The following RUFY1 variants were observed in gnomAD, a reference collection of about 807,000 sequenced individuals.
The protein encoded by RUFY1 is RUN and FYVE domain-containing protein 1.
RUFY1 carries 54 observed loss-of-function variants against 94.6 expected under a neutral mutation model. The observed-to-expected ratio is 0.57, with a 90% CI of 0.46 to 0.72. RUFY1 has a LOEUF of 0.72. Ranked by LOEUF, RUFY1 falls within the 30% of genes least tolerant of loss-of-function variation. RUFY1 has a pLI of 0.00. For synonymous variants in RUFY1, 396 were observed against 347.3 expected (o/e 1.14, Z -1.56); for missense variants, 883 against 883.9 (o/e 1.00, Z 0.01).
chr5:179,595,109 G>A (rs368780361), intron 12 of RUFY1, 146 bp downstream of exon 12: 52 of 604,932 alleles, frequency 8.6e-5, no homozygotes, highest in African/African-American at 3.2e-4. Flanking sequence ...TTGGGAGGCC[G>A]ACGCGGGAGG....
In RUFY1 at chr5:179,609,387, G is replaced by C; in HGVS notation, c.1995G>C (p.Arg665=). The change falls in exon 18 of 18, where the codon CGG becomes CGC. Residue 665 remains arginine, a synonymous_variant. Coordinates refer to ENST00000319449, the MANE Select transcript of RUFY1 (RefSeq NM_025158.5). ...FSISRRKHHC[R]NCGHIFCNTC... is the part of the protein sequence containing the mutation. ...TTCCCGTCCTGTAGCACCACTGCCG[G>C]AACTGTGGCCACATCTTCTGCAACA... 4 of 1,613,426 alleles carry C rather than the reference G, an allele frequency of 2.5e-6. No homozygotes were observed. The highest frequency in any genetic ancestry group is 3.4e-6 in the Non-Finnish European group (4 of 1,179,918).
Position 179,594,973 on chromosome 5 carries a change from T to C in RUFY1, c.1511+10T>C, listed in dbSNP as rs1765474052. The C allele has an allele frequency of 6.4e-7, 1 of 1,571,114 alleles. No individual in the cohort carries two copies. On this transcript the variant is annotated intron_variant, in intron 12 of 17. Transcript: ENST00000319449. Reference sequence around the variant, plus strand: ...AACAAATGGAAGAAAGGTAATCACTTCCCCCTGGCAGATATTCTCGGGAAG... The same window carrying C: ...AACAAATGGAAGAAAGGTAATCACTCCCCCCTGGCAGATATTCTCGGGAAG...
chr5:179,593,561 C>G lies in RUFY1; in HGVS notation c.1329C>G (p.His443Gln). The G allele has an allele frequency of 5.0e-6, 8 of 1,614,096 alleles. No homozygotes were observed. Among genetic ancestry groups the G allele is most frequent in the Non-Finnish European group, 5.9e-6 (7 of 1,179,958 alleles). The change falls in exon 11 of 18, where the codon CAC becomes CAG. Residue 443 changes from histidine to glutamine, a missense_variant. By Grantham distance (24) the His-to-Gln change is conservative. Transcript: ENST00000319449. The part of the protein sequence containing the change: ...IAMKLLEKDT[H>Q]EKQDTLVALR... ...TGAAGTTACTGGAAAAGGACACCCA[C>G]GAGAAGCAGGACACACTAGTTGCCC... is the stretch of plus-strand genomic sequence containing the variant.
intron 6 of RUFY1, among the ~76,000 whole-genome samples, chr5:179,579,654 C>CTTCTTTTTTTTTTTTTTTT (rs1763937588): frequency 2.6e-5 from 1 of 38,638 alleles, no homozygotes; most frequent in Non-Finnish European, 5.4e-5. Context: ...CCCTTTTCTT[C>CTTCTTTTTTTTTTTTTTTT]TTCTTTTTTT....
At chr5:179,557,488 CTTTG>C (rs1762170260) in intron 1 of RUFY1, among the ~76,000 whole-genome samples, 1 of 152,180 alleles carries the variant, frequency 6.6e-6, no homozygotes. Context: ...CACTTAGGCA[CTTTG>C]TTTAACCCAG....
rs1764159142 is a variant in RUFY1 at position 179,581,512 on chromosome 5, T to G, written c.956+500T>G. Among the ~76,000 whole-genome samples the G allele has an allele frequency of 2.0e-5, 3 of 150,444 alleles. No individual in the cohort carries two copies. The South Asian group carries it at 6.3e-4, about 32-fold the overall frequency. ...AAACACTAATCCTTGGAGGTATTTGTGGGGAATGTGGAGAGACATGTTATT... is the reference window on the plus strand; with the variant it reads ...AAACACTAATCCTTGGAGGTATTTGGGGGGAATGTGGAGAGACATGTTATT... On this transcript the variant is annotated intron_variant, in intron 7 of 17. Coordinates refer to ENST00000319449, the MANE Select transcript of RUFY1 (RefSeq NM_025158.5).
chr5:179,568,937 C>T (rs932773716), intron 4 of RUFY1: 4 of 657,560 alleles, frequency 6.1e-6, no homozygotes, highest in African/African-American at 5.9e-5. Context: ...ATCCCATTTC[C>T]TGTTTATATC....
chr5:179,582,237 T>G (rs1319865346), intron 7 of RUFY1, among the ~76,000 whole-genome samples: 1 of 152,068 alleles, frequency 6.6e-6, no homozygotes, highest in Admixed American at 6.6e-5. Context: ...TTTATTATGA[T>G]TTTTTGAGAC....
intron 7 of RUFY1, among the ~76,000 whole-genome samples, chr5:179,583,429 T>TAC (rs1290846354): frequency 6.7e-6 from 1 of 148,840 alleles, no homozygotes; most frequent in Admixed American, 6.7e-5. Flanking sequence ...TATATATATA[T>TAC]ATTTTAAGAC....
chr5:179,569,637 GCAGA>G (rs1157506263), intron 5 of RUFY1, among the ~76,000 whole-genome samples: 1 of 152,100 alleles, frequency 6.6e-6, no homozygotes, highest in East Asian at 1.9e-4. Flanking sequence ...TTGGGAACAG[GCAGA>G]CAGCTCTCCA....
In RUFY1 at chr5:179,591,759, AGT is replaced by A. The variant is rs753749975; in HGVS notation, c.1245+21_1245+22del. 2.1e-6 allele frequency: 3 copies of A among 1,415,648 alleles called. No individual in the cohort carries two copies. Among genetic ancestry groups the A allele is most frequent in the Admixed American group, 3.9e-5 (2 of 51,598 alleles). The allele number at this position is 1,415,648 out of a possible 1,614,324, so 87.7% of individuals were successfully genotyped here. On this transcript the variant is annotated intron_variant, in intron 10 of 17. Coordinates refer to ENST00000319449, the MANE Select transcript of RUFY1 (RefSeq NM_025158.5). ...TCCGGTTGGTGAGTGTGCAAGACCG[AGT>A]GTCTTTAGAAAGAGTTTCCCCGTAG... is the stretch of plus-strand genomic sequence containing the variant.
chr5:179,579,657 C>CTTTTTTTTTTTTTGTTT (rs1763947706), intron 6 of RUFY1, among the ~76,000 whole-genome samples: 1 of 50,548 alleles, frequency 2.0e-5, no homozygotes, highest in African/African-American at 6.1e-5. Context: ...TTTTCTTCTT[C>CTTTTTTTTTTTTTGTTT]TTTTTTTTTT....
chr5:179,587,998 TA>T (rs562888696), intron 8 of RUFY1, among the ~76,000 whole-genome samples: 200 of 152,134 alleles, frequency 1.3e-3, no homozygotes, highest in African/African-American at 4.6e-3. Context: ...CTGTCTCAAT[TA>T]AAAAAACAAA....
chr5:179,579,661 T>TTCTTTC lies in RUFY1; in HGVS notation c.891-1285_891-1284insCTTTCT, dbSNP rs1763952328. ...AAAATATACCCTTTTCTTCTTCTTT[T>TTCTTTC]TTTTTTTTTTTTTTTTTTGAGATGG... On this transcript the variant is annotated intron_variant, in intron 6 of 17. Transcript: ENST00000319449. Among the ~76,000 whole-genome samples the TTCTTTC allele has an allele frequency of 2.4e-5, 2 of 83,246 alleles. 1 individual carries two copies. The highest frequency in any genetic ancestry group is 1.1e-4 in the African/African-American group (2 of 18,916). The allele number at this position is 83,246 out of a possible 152,430, so 54.6% of individuals were successfully genotyped here. A position where few individuals can be genotyped will look rare whatever the true frequency, so the allele number is the denominator to read the frequency against.
chr5:179,582,628 G>T (rs944121620), intron 7 of RUFY1, among the ~76,000 whole-genome samples: 58 of 152,118 alleles, frequency 3.8e-4, no homozygotes, highest in African/African-American at 1.4e-3. Flanking sequence ...CGACGTGGGT[G>T]GATTACCTGA....
At chr5:179,583,824 AC>A (rs1764376227) in intron 7 of RUFY1, among the ~76,000 whole-genome samples, 1 of 151,248 alleles carries the variant, frequency 6.6e-6, no homozygotes, top group Admixed American at 6.6e-5. Context: ...ATCTCCGCTC[AC>A]TGCAAGCTTC....
chr5:179,607,732 A>G (rs1164102707), intron 17 of RUFY1, 73 bp downstream of exon 17: 1 of 1,329,224 alleles, frequency 7.5e-7, no homozygotes, highest in African/African-American at 1.5e-5. Flanking sequence ...CTCTGGTTCC[A>G]GAAGCCCATA....
At position 179,553,731 on chromosome 5, in the gene RUFY1, A is replaced by C. The variant is rs542897960; in HGVS notation, c.310+2852A>C. Among the ~76,000 whole-genome samples, 6 of 152,272 alleles carry C rather than the reference A, an allele frequency of 3.9e-5. No individual in the cohort carries two copies. In the South Asian group the frequency reaches 1.2e-3, roughly 32 times the overall value. Reference sequence around the variant, plus strand: ...CTTGAACATAAGAGGCGGAGTTTGCAGTGAGCCGAGACCATTCCACTGCAG... The same window carrying C: ...CTTGAACATAAGAGGCGGAGTTTGCCGTGAGCCGAGACCATTCCACTGCAG... On this transcript the variant is annotated intron_variant, in intron 1 of 17. Transcript: ENST00000319449.
intron 3 of RUFY1, 132 bp from the exon 4 acceptor site, chr5:179,567,329 A>G (rs1270852729): frequency 1.5e-6 from 1 of 687,376 alleles, no homozygotes; most frequent in East Asian, 2.7e-5. Flanking sequence ...CCCAACCCCA[A>G]ACAGCCATTC....
Sources: allele counts gnomAD v4.1 joint callset (sites outside exome capture counted in the v4.1 genomes callset), GRCh38; gene constraint gnomAD v4.1.1; transcripts MANE v1.5; gene names NCBI Gene and HGNC (gene_info 2026-07-23, HGNC 2026-07-21).